The following UBE2D2 variants were observed in gnomAD, a reference collection of about 807,000 sequenced individuals.
UBE2D2 encodes the protein ubiquitin conjugating enzyme E2 D2, also known as ubiquitin-conjugating enzyme E2 D2.
In UBE2D2, 2 loss-of-function variants were observed where a neutral mutation model predicts 24.2. The observed-to-expected ratio is 0.08, with a 90% CI of 0.03 to 0.26. UBE2D2 has a LOEUF of 0.26. Among genes scored for constraint, UBE2D2 ranks in the 10% least tolerant of loss-of-function variants. UBE2D2 has a pLI of 1.00. For missense variants in UBE2D2, 44 were observed against 177.6 expected (o/e 0.25, Z 4.28); for synonymous variants, 58 against 56.5 (o/e 1.03, Z -0.12).
chr5:139,561,722 C>T lies in UBE2D2; in HGVS notation c.-70C>T, dbSNP rs1753101116. The stretch of plus-strand genomic sequence containing the variant: ...AGATCGCCGAGGCGGCCTCAGGCTC[C>T]CTAGCCCCTTCCCCGTCCCTTCCCC... On this transcript the variant is annotated 5_prime_UTR_variant, in exon 1 of 7. Transcript: ENST00000398733. 2.3e-6 allele frequency: 3 copies of T among 1,288,954 alleles called. No homozygotes were observed. Among genetic ancestry groups the T allele is most frequent in the Admixed American group, 3.1e-5 (1 of 31,836 alleles). 79.8% of individuals were successfully genotyped at this position (1,288,954 alleles called of 1,614,324 possible). A position where few individuals can be genotyped will look rare whatever the true frequency, so the allele number is the denominator to read the frequency against.
intron 1 of UBE2D2, among the ~76,000 whole-genome samples, chr5:139,545,023 C>A (rs1158564715): frequency 6.6e-6 from 1 of 151,948 alleles, no homozygotes; most frequent in East Asian, 1.9e-4. Context: ...TCGTGATCCA[C>A]CCGCCTCGGC....
intron 2 of UBE2D2, among the ~76,000 whole-genome samples, chr5:139,608,190 G>C (rs1435625755): frequency 1.3e-5 from 2 of 152,008 alleles, no homozygotes; most frequent in African/African-American, 2.4e-5. Context: ...CTAGCACTTT[G>C]GGAGACCAAG....
chr5:139,532,597 C>T (rs113845783), intron 1 of UBE2D2, among the ~76,000 whole-genome samples: 9,050 of 151,818 alleles, frequency 0.06, 315 homozygotes, highest in South Asian at 0.11. Context: ...GTGATCCGCC[C>T]GCCTTGGCCT....
intron 1 of UBE2D2, among the ~76,000 whole-genome samples, chr5:139,598,000 C>A (rs1753992856): frequency 6.6e-6 from 1 of 152,292 alleles, no homozygotes; most frequent in South Asian, 2.1e-4. Context: ...CTCCCGGGTT[C>A]ACACCATTCT....
chr5:139,599,326 T>A (rs549501984), intron 1 of UBE2D2, among the ~76,000 whole-genome samples: 3 of 152,166 alleles, frequency 2.0e-5, no homozygotes, highest in Non-Finnish European at 4.4e-5. Flanking sequence ...TGGTCCAGTA[T>A]AATTTTGGAA....
At chr5:139,618,968 C>T (rs970995244) in intron 5 of UBE2D2, among the ~76,000 whole-genome samples, 3 of 151,864 alleles carry the variant, frequency 2.0e-5, no homozygotes, top group South Asian at 2.1e-4. Flanking sequence ...TTTGAAGGTC[C>T]GTGATGGGGA....
intron 1 of UBE2D2, among the ~76,000 whole-genome samples, chr5:139,541,297 C>T (rs1488852055): frequency 8.2e-5 from 12 of 145,676 alleles, no homozygotes; most frequent in African/African-American, 2.8e-4. Context: ...GACTCTGTTT[C>T]GAAGAAAAAA....
chr5:139,596,905 G>A (rs541477541), intron 1 of UBE2D2, among the ~76,000 whole-genome samples: 7 of 151,790 alleles, frequency 4.6e-5, no homozygotes, highest in African/African-American at 9.7e-5. Flanking sequence ...AAATTAGCCC[G>A]GCGTGGTGGT....
At chr5:139,529,818 T>C (rs1267254225) in intron 1 of UBE2D2, among the ~76,000 whole-genome samples, 2 of 152,122 alleles carry the variant, frequency 1.3e-5, no homozygotes, top group Non-Finnish European at 2.9e-5. Context: ...GTACCTGAGA[T>C]TCCAGGAAAA....
intron 2 of UBE2D2, among the ~76,000 whole-genome samples, chr5:139,602,939 G>A (rs1310739870): frequency 6.6e-6 from 1 of 152,176 alleles, no homozygotes; most frequent in African/African-American, 2.4e-5. Flanking sequence ...AATTTAGTAA[G>A]TGCTGTTACA....
intron 6 of UBE2D2, among the ~76,000 whole-genome samples, chr5:139,624,864 C>T (rs764732486): frequency 1.3e-5 from 2 of 152,196 alleles, no homozygotes; most frequent in Admixed American, 6.5e-5. Flanking sequence ...GATATTCTAA[C>T]AGTAGTTGGT....
chr5:139,596,535 A>C (rs1029791052), intron 1 of UBE2D2, among the ~76,000 whole-genome samples: 23 of 148,068 alleles, frequency 1.6e-4, no homozygotes, highest in Admixed American at 1.3e-3. Flanking sequence ...CTTGTGATCC[A>C]CCCGCCTTGG....
intron 2 of UBE2D2, among the ~76,000 whole-genome samples, chr5:139,602,427 A>G (rs1278655289): frequency 6.6e-6 from 1 of 152,148 alleles, no homozygotes; most frequent in African/African-American, 2.4e-5. Flanking sequence ...CTGTAATCTC[A>G]GTGCTTTGGG....
chr5:139,599,735 T>C (rs564129085), intron 1 of UBE2D2: 10 of 152,126 alleles, frequency 6.6e-5, no homozygotes, highest in African/African-American at 2.4e-4. Flanking sequence ...AGACTCCGTC[T>C]CAAAAAACAA....
chr5:139,592,031 A>G (rs1753855668), intron 1 of UBE2D2, among the ~76,000 whole-genome samples: 1 of 152,034 alleles, frequency 6.6e-6, no homozygotes, highest in African/African-American at 2.4e-5. Flanking sequence ...GTGAAACGCC[A>G]TCTCTACTAA....
chr5:139,533,133 T>G (rs1005938571), intron 1 of UBE2D2, among the ~76,000 whole-genome samples: 2 of 150,842 alleles, frequency 1.3e-5, no homozygotes, highest in African/African-American at 4.9e-5. Context: ...TATATGGACC[T>G]CAACTCCTCA....
chr5:139,593,315 T>TG (rs1753886188), intron 1 of UBE2D2, among the ~76,000 whole-genome samples: 2 of 152,104 alleles, frequency 1.3e-5, no homozygotes, highest in South Asian at 4.1e-4. Flanking sequence ...ATTTCTAACT[T>TG]GTACATTTCT....
chr5:139,562,031 C>T, intron 1 of UBE2D2: 1 of 823,656 alleles, frequency 1.2e-6, no homozygotes, highest in Non-Finnish European at 1.8e-6. Context: ...GCGGCCTCAG[C>T]GTTCCTCCCC....
chr5:139,529,571 C>T (rs998687833), intron 1 of UBE2D2, among the ~76,000 whole-genome samples: 3 of 152,054 alleles, frequency 2.0e-5, no homozygotes, highest in Non-Finnish European at 4.4e-5. Context: ...GAAAAGTCAG[C>T]CCCTCCTGCA....
Sources: gnomAD v4.1 joint callset for allele counts (sites outside exome capture counted in the v4.1 genomes callset) on GRCh38, gnomAD v4.1.1 for gene constraint, MANE v1.5 for transcripts, NCBI Gene and HGNC (gene_info 2026-07-23, HGNC 2026-07-21) for gene names.